The following PARP10 variants were observed in gnomAD, a reference collection of about 807,000 sequenced individuals.
The protein encoded by PARP10 is poly(ADP-ribose) polymerase family member 10.
PARP10 carries 56 observed loss-of-function variants against 82.4 expected under a neutral mutation model. The observed-to-expected ratio is 0.68, with a 90% CI of 0.55 to 0.85. The LOEUF is 0.85. Ranked by LOEUF, PARP10 falls within the 40% of genes least tolerant of loss-of-function variation. PARP10 has a pLI of 0.00. For missense variants in PARP10, 1,227 were observed against 1,379.4 expected, an observed-to-expected ratio of 0.89 and a Z score of 1.75; for synonymous variants, 576 against 601.1, an observed-to-expected ratio of 0.96 and a Z score of 0.61.
rs782347062 is a variant in PARP10, at chr8:143,984,334, C to T, written c.1556G>A (p.Gly519Asp). 3 of 1,613,844 alleles carry T rather than the reference C, an allele frequency of 1.9e-6. No individual in the cohort carries two copies. The highest frequency in any genetic ancestry group is 2.2e-5 in the East Asian group (1 of 44,884). ...SCHVLCLEHP[G>D]SARFLLGPEG... ...TGGGCCCAGGAGAAACCTGGCGCTG[C>T]CCGGGTGCTCCAGGCACAACACATG... is the stretch of plus-strand genomic sequence containing the variant. Residue 519 changes from glycine (G) to aspartate (D), a missense_variant, in exon 6 of 11, where the codon GGC becomes GAC. Transcript: ENST00000313028.
At chr8:143,993,033 G>A, upstream of PARP10, 1 of 591,670 alleles carries the variant, frequency 1.7e-6, no homozygotes, top group South Asian at 2.0e-5. Flanking sequence ...GCCACAGCAT[G>A]GCCCCTTTAG....
chr8:144,009,004 C>T (rs1316877712), intron 1 of PARP10, among the ~76,000 whole-genome samples: 1 of 152,146 alleles, frequency 6.6e-6, no homozygotes, highest in Non-Finnish European at 1.5e-5. Flanking sequence ...AGGGCCTCTA[C>T]TGTGCACTGT....
intron 1 of PARP10, among the ~76,000 whole-genome samples, chr8:144,001,523 A>G (rs1834202721): frequency 6.6e-6 from 1 of 152,122 alleles, no homozygotes; most frequent in African/African-American, 2.4e-5. Context: ...CCTGGCCAAC[A>G]TGGTGAAACC....
chr8:144,004,866 T>G (rs1834224176), intron 1 of PARP10, among the ~76,000 whole-genome samples: 1 of 151,762 alleles, frequency 6.6e-6, no homozygotes, highest in Non-Finnish European at 1.5e-5. Flanking sequence ...CTGGGGTGAA[T>G]GGAGTGGGCA....
Position 143,977,525 on chromosome 8 carries a change from C to A in PARP10, c.3037G>T (p.Asp1013Tyr). Residue 1013 changes from aspartate to tyrosine, a missense_variant, in exon 11 of 11, where the codon GAC (aspartate) becomes TAC (tyrosine). Physicochemically the swap from Asp to Tyr is radical, Grantham distance 160. Transcript: ENST00000313028. ...CGGCCCGGGAGCCCAGAGGGGTCGTCGGGGGAAGCGCGGGGCACGTGCTCG... is the reference window on the plus strand; with the variant it reads ...CGGCCCGGGAGCCCAGAGGGGTCGTAGGGGGAAGCGCGGGGCACGTGCTCG... Reference protein sequence around the residue: ...TCEHVPRASPDDPSGLPGRSP... With the variant: ...TCEHVPRASPYDPSGLPGRSP... 6.4e-7 allele frequency: 1 copy of A among 1,560,154 alleles called. No individual in the cohort carries two copies. Among genetic ancestry groups the A allele is most frequent in the Non-Finnish European group, 8.7e-7 (1 of 1,152,428 alleles).
chr8:144,012,527 C>T, intron 1 of PARP10: 1 of 1,551,750 alleles, frequency 6.4e-7, no homozygotes, highest in Non-Finnish European at 8.7e-7. Context: ...TGTCTCTACT[C>T]ACCAATTATG....
At chr8:144,012,509 C>T (rs1834297465) in intron 1 of PARP10, 13 of 1,551,672 alleles carry the variant, frequency 8.4e-6, no homozygotes, top group Non-Finnish European at 9.6e-6. Flanking sequence ...TGCCACTGCC[C>T]CAGGGCATGT....
At chr8:143,991,864 G>A (rs376091130), upstream of PARP10, 81 of 1,610,278 alleles carry the variant, frequency 5.0e-5, no homozygotes, top group African/African-American at 6.7e-5. Flanking sequence ...GACTCTGAGC[G>A]GCTCCTTCCC....
At position 143,983,636 on chromosome 8, in the gene PARP10, C is replaced by A. The variant is rs782203960; in HGVS notation, c.1953G>T (p.Glu651Asp). The change falls in exon 8 of 11, where the codon GAG becomes GAT. Residue 651 changes from glutamate (E) to aspartate (D), a missense_variant. Glu to Asp is a conservative substitution (Grantham distance 45). Transcript: ENST00000313028. ...GGGCCAGCTGCAGAGCGGCCTCCTCCTCCAGCCACCTGGGTGCCACAGTGC... is the reference window on the plus strand; with the variant it reads ...GGGCCAGCTGCAGAGCGGCCTCCTCATCCAGCCACCTGGGTGCCACAGTGC... The part of the protein sequence containing the change: ...APSTVAPRWL[E>D]EEAALQLALH... The A allele has an allele frequency of 1.2e-6, 2 of 1,606,130 alleles. No individual in the cohort carries two copies. Among genetic ancestry groups the A allele is most frequent in the South Asian group, 2.2e-5 (2 of 89,686 alleles).
At chr8:144,005,582 C>T (rs891263021) in intron 1 of PARP10, among the ~76,000 whole-genome samples, 1 of 152,094 alleles carries the variant, frequency 6.6e-6, no homozygotes, top group African/African-American at 2.4e-5. Flanking sequence ...ATGTAAAATC[C>T]AAAACCTCAT....
rs1554748560 is a variant in PARP10, at chr8:143,984,229, AACGT to A, written c.1657_1660del (p.Thr553TrpfsTer37). 3 of 1,613,858 alleles carry A rather than the reference AACGT, an allele frequency of 1.9e-6. No homozygotes were observed. Among genetic ancestry groups the A allele is most frequent in the Non-Finnish European group, 2.5e-6 (3 of 1,179,806 alleles). On this transcript the variant is annotated frameshift_variant, in exon 6 of 11. Transcript: ENST00000313028. LOFTEE classifies it high-confidence loss of function. ...CTCTACCTCTTCAAGGCCTGTGTCC[AACGT>A]GGCTGTGGCCAGGCGCTCTGTCCCA...
intron 1 of PARP10, among the ~76,000 whole-genome samples, chr8:144,009,092 A>G (rs1338847723): frequency 1.3e-5 from 2 of 152,150 alleles, no homozygotes; most frequent in Admixed American, 6.5e-5. Context: ...AAGAGGAGGA[A>G]GAGAACAGTG....
rs1833951457 is a variant in PARP10 at position 143,985,045 on chromosome 8, A to C, written c.957T>G (p.Ile319Met). The change falls in exon 5 of 11, where the codon ATT becomes ATG. Residue 319 changes from isoleucine (I) to methionine (M), a missense_variant. Coordinates refer to ENST00000313028, the MANE Select transcript of PARP10 (RefSeq NM_032789.5). ...RTGPMVQGRG[I>M]MTTGSGQEPG... ...GTTCCTGGCCAGAGCCTGTTGTCAT[A>C]ATCCCTCTACCCTGCACCATGGGAC... The C allele has an allele frequency of 6.2e-7, 1 of 1,613,528 alleles. No homozygotes were observed. The highest frequency in any genetic ancestry group is 8.5e-7 in the Non-Finnish European group (1 of 1,179,924).
chr8:143,991,985 C>T, upstream of PARP10: 1 of 1,613,606 alleles, frequency 6.2e-7, no homozygotes, highest in Non-Finnish European at 8.5e-7. Context: ...TCTGGACCTA[C>T]TATGTCTCCT....
In PARP10 at chr8:143,977,246, G is replaced by C; in HGVS notation, c.*238C>G. 3.8e-6 allele frequency: 2 copies of C among 520,474 alleles called. No individual in the cohort carries two copies. The highest frequency in any genetic ancestry group is 6.7e-6 in the Non-Finnish European group (2 of 298,620). The allele number at this position is 520,474 out of a possible 1,614,324, so 32.2% of individuals were successfully genotyped here. A position where few individuals can be genotyped will look rare whatever the true frequency, so the allele number is the denominator to read the frequency against. On this transcript the variant is annotated 3_prime_UTR_variant, in exon 11 of 11. Transcript: ENST00000313028. ...CGAGGTCTGGGAGCGGCGGGCGGGC[G>C]GTGTCGCCTCCTGGGCTCTGCTGAC...
rs782036506 is a variant in PARP10, at chr8:143,985,495, C to T, written c.590G>A (p.Arg197His). The part of the protein sequence containing the change: ...LLLELYLENE[R>H]RSGGGPLEDL... ...CTCCAGGGGCCCCCCACCACTGCGG[C>T]GCTCATTCTCCAGGTACAACTCCAG... Residue 197 changes from arginine to histidine, a missense_variant, in exon 4 of 11, where the codon CGC (arginine) becomes CAC (histidine). Arg to His is a conservative substitution (Grantham distance 29, BLOSUM62 0). Transcript: ENST00000313028. 2.1e-5 allele frequency: 34 copies of T among 1,613,804 alleles called. No homozygotes were observed. The highest frequency in any genetic ancestry group is 4.5e-5 in the East Asian group (2 of 44,884).
upstream of PARP10, among the ~76,000 whole-genome samples, chr8:143,987,952 C>G (rs557248310): frequency 6.6e-6 from 1 of 151,546 alleles, no homozygotes; most frequent in Non-Finnish European, 1.5e-5. Context: ...TGCACCTGAC[C>G]AGACCTCAGT....
Position 143,980,050 on chromosome 8 carries a change from G to A in PARP10, c.2557-1969C>T, listed in dbSNP as rs184139927. Among the ~76,000 whole-genome samples, 22 of 146,172 alleles carry A rather than the reference G, an allele frequency of 1.5e-4. No individual in the cohort carries two copies. The South Asian group carries it at 3.2e-3, about 21-fold the overall frequency. Reference sequence around the variant, plus strand: ...AAAAAAACCCGTCTCAGCCGGGCGCGGTGGCTCACGCCTGTAATCCCAGCA... The same window carrying A: ...AAAAAAACCCGTCTCAGCCGGGCGCAGTGGCTCACGCCTGTAATCCCAGCA... On this transcript the variant is annotated intron_variant, in intron 9 of 10. Transcript: ENST00000313028.
intron 1 of PARP10, among the ~76,000 whole-genome samples, chr8:144,005,237 A>T (rs1834227779): frequency 6.6e-6 from 1 of 151,700 alleles, no homozygotes; most frequent in South Asian, 2.1e-4. Flanking sequence ...AGGGACCAGC[A>T]TCCACCAAGT....
Sources: gnomAD v4.1 joint callset for allele counts (sites outside exome capture counted in the v4.1 genomes callset) on GRCh38, gnomAD v4.1.1 for gene constraint, MANE v1.5 for transcripts, NCBI Gene and HGNC (gene_info 2026-07-23, HGNC 2026-07-21) for gene names.